The following DMXL2 variants were observed in gnomAD, a reference collection of about 807,000 sequenced individuals.
DMXL2 encodes the protein dmX-like protein 2.
DMXL2 carries 103 observed loss-of-function variants against 331.1 expected under a neutral mutation model. The ratio of observed to expected loss-of-function variants is 0.31; its 90% confidence interval spans 0.27 to 0.37. The LOEUF is 0.37. Ranked by LOEUF, DMXL2 falls within the 10% of genes least tolerant of loss-of-function variation. DMXL2 has a pLI of 1.00. For synonymous variants in DMXL2, 1,281 were observed against 1,252.1 expected, an observed-to-expected ratio of 1.02 and a Z score of -0.49; for missense variants, 3,171 against 3,642.9, an observed-to-expected ratio of 0.87 and a Z score of 3.33.
intron 1 of DMXL2, among the ~76,000 whole-genome samples, chr15:51,619,395 G>A (rs17609924): frequency 0.48 from 72,357 of 151,994 alleles, 17,625 homozygotes; most frequent in Non-Finnish European, 0.52. Flanking sequence ...AATGTTTAAG[G>A]AAACAGCTGT....
chr15:51,603,115 C>A (rs1250529473), intron 1 of DMXL2, among the ~76,000 whole-genome samples: 5 of 151,852 alleles, frequency 3.3e-5, no homozygotes, highest in Non-Finnish European at 7.4e-5. Context: ...ACATAGAAGG[C>A]AGGAAACAAT....
intron 2 of DMXL2, among the ~76,000 whole-genome samples, chr15:51,569,512 A>ACC (rs200427074): frequency 6.6e-6 from 1 of 151,766 alleles, no homozygotes; most frequent in African/African-American, 2.4e-5. Context: ...TGGGTCCCTG[A>ACC]CCCCCCCGTG....
In DMXL2 at chr15:51,448,794, A is replaced by G. The variant is rs1566965843; in HGVS notation, c.*190T>C. 5 of 610,156 alleles carry G rather than the reference A, an allele frequency of 8.2e-6. No homozygotes were observed. The highest frequency in any genetic ancestry group is 3.0e-5 in the Admixed American group (1 of 33,838). 37.8% of individuals were successfully genotyped at this position (610,156 alleles called of 1,614,324 possible). A position where few individuals can be genotyped will look rare whatever the true frequency, so the allele number is the denominator to read the frequency against. ...AATACTAGGTTTTATTTTTTTTAGT[A>G]TGTCAGCATAATAAGGTACATGCGC... On this transcript the variant is annotated 3_prime_UTR_variant, in exon 44 of 44. Transcript: ENST00000560891.
chr15:51,484,095 C>A (rs1330689579), intron 23 of DMXL2, among the ~76,000 whole-genome samples: 1 of 152,166 alleles, frequency 6.6e-6, no homozygotes, highest in African/African-American at 2.4e-5. Context: ...AGAAACACCC[C>A]CAGGCCAGCT....
intron 6 of DMXL2, among the ~76,000 whole-genome samples, chr15:51,551,147 T>C (rs1267069990): frequency 6.6e-6 from 1 of 151,968 alleles, no homozygotes; most frequent in African/African-American, 2.4e-5. Flanking sequence ...CCAAAGTTAC[T>C]TTCTGTTCTT....
intron 23 of DMXL2, among the ~76,000 whole-genome samples, chr15:51,484,308 C>A (rs1316512132): frequency 1.3e-5 from 2 of 152,224 alleles, no homozygotes. Flanking sequence ...CCAATCCCAG[C>A]CAACCAGACC....
At chr15:51,585,931 C>T (rs1430217731) in intron 1 of DMXL2, among the ~76,000 whole-genome samples, 1 of 152,154 alleles carries the variant, frequency 6.6e-6, no homozygotes, top group Non-Finnish European at 1.5e-5. Context: ...CCACAAGGCA[C>T]CGCCAACTCC....
At chr15:51,556,070 G>A (rs1182712553) in intron 6 of DMXL2, among the ~76,000 whole-genome samples, 8 of 151,524 alleles carry the variant, frequency 5.3e-5, no homozygotes, top group Middle Eastern at 3.4e-3. Flanking sequence ...CAGGCCGGGC[G>A]CGGTGGCTCA....
rs776726582 is a variant in DMXL2 at position 51,514,427 on chromosome 15, AT to A, written c.2644+14del. 4 of 1,422,852 alleles carry A rather than the reference AT, an allele frequency of 2.8e-6. No individual in the cohort carries two copies. The highest frequency in any genetic ancestry group is 2.5e-5 in the South Asian group (2 of 81,048). 88.1% of individuals were successfully genotyped at this position (1,422,852 alleles called of 1,614,324 possible). On this transcript the variant is annotated intron_variant, in intron 15 of 43. Coordinates refer to ENST00000560891, the MANE Select transcript of DMXL2 (RefSeq NM_001378457.1). ...GCATGAAGGTAAACAAATGCAGACTATTTTTTTAAAGTACCTTGTGATGGCT... is the reference window on the plus strand; with the variant it reads ...GCATGAAGGTAAACAAATGCAGACTATTTTTTAAAGTACCTTGTGATGGCT...
At chr15:51,455,022 A>G (rs888310479) in intron 40 of DMXL2, 129 bp downstream of exon 40, 3 of 719,452 alleles carry the variant, frequency 4.2e-6, no homozygotes, top group Non-Finnish European at 7.4e-6. Flanking sequence ...TGCTGCTGTC[A>G]GGCTGGGATT....
chr15:51,607,709 A>T (rs181240237), intron 1 of DMXL2, among the ~76,000 whole-genome samples: 12 of 152,346 alleles, frequency 7.9e-5, no homozygotes, highest in Admixed American at 3.9e-4. Context: ...CACAAAGGAA[A>T]AAAATCTCAA....
At chr15:51,504,400 G>A (rs1232915184) in intron 16 of DMXL2, among the ~76,000 whole-genome samples, 1 of 152,164 alleles carries the variant, frequency 6.6e-6, no homozygotes, top group Non-Finnish European at 1.5e-5. Flanking sequence ...AGTATTAGTT[G>A]ACAGCCTTTG....
chr15:51,588,662 C>T (rs1412720272), intron 1 of DMXL2, among the ~76,000 whole-genome samples: 2 of 152,194 alleles, frequency 1.3e-5, no homozygotes, highest in East Asian at 1.9e-4. Flanking sequence ...GGGAAATAGT[C>T]GTAACAGTGT....
chr15:51,475,145 A>C, intron 27 of DMXL2, among the ~76,000 whole-genome samples: 1 of 152,142 alleles, frequency 6.6e-6, no homozygotes, highest in African/African-American at 2.4e-5. Context: ...AGAAAGACAC[A>C]TCTTTTTTGT....
At chr15:51,462,431 G>A (rs2040209211) in intron 33 of DMXL2, among the ~76,000 whole-genome samples, 1 of 152,078 alleles carries the variant, frequency 6.6e-6, no homozygotes, top group Non-Finnish European at 1.5e-5. Flanking sequence ...TGCCTCTCGG[G>A]TTCAAGCAAT....
chr15:51,468,209 A>G (rs778848014), intron 29 of DMXL2, among the ~76,000 whole-genome samples: 25 of 152,344 alleles, frequency 1.6e-4, no homozygotes, highest in African/African-American at 5.3e-4. Context: ...ATCTGTCTGT[A>G]GTTTCTAAAT....
chr15:51,554,360 T>C (rs1342875141), intron 6 of DMXL2, among the ~76,000 whole-genome samples: 1 of 152,110 alleles, frequency 6.6e-6, no homozygotes. Context: ...TTAGGAGTAA[T>C]GGGGTATTTG....
chr15:51,593,274 G>C (rs1252978147), intron 1 of DMXL2, among the ~76,000 whole-genome samples: 1 of 152,146 alleles, frequency 6.6e-6, no homozygotes, highest in African/African-American at 2.4e-5. Flanking sequence ...CCTAGTCTCT[G>C]ATAAAACAGA....
Position 51,563,421 on chromosome 15 carries a change from T to A in DMXL2, c.527A>T (p.Glu176Val). 1 of 1,609,896 alleles carries A rather than the reference T, an allele frequency of 6.2e-7. No homozygotes were observed. The highest frequency in any genetic ancestry group is 1.1e-5 in the South Asian group (1 of 90,178). The change falls in exon 6 of 44, where the codon GAA (glutamate) becomes GTA (valine). Residue 176 changes from glutamate (E) to valine (V), a missense_variant. Glu to Val is a moderately radical substitution (Grantham distance 121). Around this residue, in one of 7 missense-constraint regions of DMXL2, gnomAD observed 1,674 missense variants for 1,780.2 expected, o/e 0.94. Transcript: ENST00000560891. Reference sequence around the variant, plus strand: ...AAAATATTCACCATCAGGAGACCATTCCATCAAATGTACAGATACTGAGGT... The same window carrying A: ...AAAATATTCACCATCAGGAGACCATACCATCAAATGTACAGATACTGAGGT... ...CKTSVSVHLM[E>V]WSPDGEYFAT...
Sources: gnomAD v4.1 joint callset for allele counts (sites outside exome capture counted in the v4.1 genomes callset) on GRCh38, gnomAD v4.1.1 for gene constraint, gnomAD v4.1.1 regional missense constraint, MANE v1.5 for transcripts, NCBI Gene and HGNC (gene_info 2026-07-23, HGNC 2026-07-21) for gene names.